The following GRID2 variants were observed in gnomAD, a reference collection of about 807,000 sequenced individuals.
The protein encoded by GRID2 is glutamate receptor ionotropic, delta-2.
Under a neutral mutation model 114.8 loss-of-function variants are expected in GRID2, and 33 were observed. The observed-to-expected ratio is 0.29, with a 90% CI of 0.22 to 0.38. The LOEUF (loss-of-function observed/expected upper bound fraction) is 0.38, where lower values mean the gene tolerates loss of function less well. Among genes scored for constraint, GRID2 ranks in the 10% least tolerant of loss-of-function variants. The pLI, the probability that GRID2 is intolerant of heterozygous loss-of-function variation, is 1.00. For synonymous variants in GRID2, 505 were observed against 449.9 expected (o/e 1.12, Z -1.55); for missense variants, 1,184 against 1,257.7 (o/e 0.94, Z 0.89).
At chr4:92,598,539 A>G (rs1432622071) in intron 2 of GRID2, among the ~76,000 whole-genome samples, 1 of 152,120 alleles carries the variant, frequency 6.6e-6, no homozygotes, top group Non-Finnish European at 1.5e-5. Context: ...AGGGAAAAAC[A>G]TATATATTAA....
intron 2 of GRID2, among the ~76,000 whole-genome samples, chr4:92,787,659 A>T (rs1428339706): frequency 6.6e-6 from 1 of 151,930 alleles, no homozygotes; most frequent in Admixed American, 6.6e-5. Flanking sequence ...TGAAATGGGA[A>T]GCCATTACAG....
At chr4:92,803,676 C>T (rs1414187286) in intron 2 of GRID2, among the ~76,000 whole-genome samples, 2 of 151,964 alleles carry the variant, frequency 1.3e-5, no homozygotes, top group South Asian at 2.1e-4. Flanking sequence ...AGCCCACTCA[C>T]ATGTGTTTAT....
chr4:93,061,653 A>C (rs1189909558), intron 2 of GRID2, among the ~76,000 whole-genome samples: 1 of 152,182 alleles, frequency 6.6e-6, no homozygotes, highest in African/African-American at 2.4e-5. Flanking sequence ...TTTAGTAATG[A>C]TGGGTAAAAG....
intron 11 of GRID2, among the ~76,000 whole-genome samples, chr4:93,465,778 G>A (rs1289205847): frequency 1.3e-5 from 2 of 152,102 alleles, no homozygotes; most frequent in Non-Finnish European, 2.9e-5. Context: ...AAATATATTA[G>A]GAAAACTTGT....
chr4:93,246,600 GAAAAA>G (rs1243852587), intron 8 of GRID2, among the ~76,000 whole-genome samples: 4 of 144,950 alleles, frequency 2.8e-5, no homozygotes, highest in African/African-American at 1.1e-4. Context: ...AAAAAAAAAA[GAAAAA>G]AAGAAAAGAA....
chr4:93,499,536 C>G (rs930361280), intron 12 of GRID2, among the ~76,000 whole-genome samples: 2 of 151,884 alleles, frequency 1.3e-5, no homozygotes, highest in African/African-American at 4.8e-5. Context: ...GCATGCCTCT[C>G]TGGAGCTTTA....
At chr4:93,043,855 T>C (rs570653346) in intron 2 of GRID2, among the ~76,000 whole-genome samples, 2 of 152,010 alleles carry the variant, frequency 1.3e-5, no homozygotes, top group Non-Finnish European at 2.9e-5. Flanking sequence ...ATGGCACATG[T>C]ATACATATGT....
intron 2 of GRID2, among the ~76,000 whole-genome samples, chr4:92,695,392 A>T (rs1424929614): frequency 6.6e-6 from 1 of 152,124 alleles, no homozygotes; most frequent in Non-Finnish European, 1.5e-5. Flanking sequence ...ACACAACAAA[A>T]GGAATACAAT....
intron 2 of GRID2, among the ~76,000 whole-genome samples, chr4:92,605,911 C>T (rs1334015128): frequency 1.3e-5 from 2 of 152,058 alleles, no homozygotes; most frequent in African/African-American, 4.8e-5. Context: ...ATCTCACTGA[C>T]ATTTTGGCAT....
intron 14 of GRID2, among the ~76,000 whole-genome samples, chr4:93,716,251 A>G (rs539593277): frequency 3.5e-4 from 53 of 152,258 alleles, no homozygotes; most frequent in African/African-American, 1.3e-3. Context: ...AATTAAGGAT[A>G]AAAGATATAG....
intron 2 of GRID2, among the ~76,000 whole-genome samples, chr4:92,807,545 A>G (rs1740477378): frequency 6.6e-6 from 1 of 152,030 alleles, no homozygotes; most frequent in Admixed American, 6.6e-5. Context: ...TGAATATTTT[A>G]TACACATAAT....
intron 14 of GRID2, among the ~76,000 whole-genome samples, chr4:93,630,055 A>G (rs928424018): frequency 2.0e-5 from 3 of 152,220 alleles, no homozygotes; most frequent in African/African-American, 7.2e-5. Flanking sequence ...GTGAGCGAAC[A>G]CACATTGGAA....
chr4:93,252,054 C>T (rs1219867035), intron 8 of GRID2, among the ~76,000 whole-genome samples: 1 of 152,036 alleles, frequency 6.6e-6, no homozygotes, highest in Non-Finnish European at 1.5e-5. Context: ...CAGGAATTGC[C>T]ACACTGTCTT....
intron 8 of GRID2, among the ~76,000 whole-genome samples, chr4:93,363,092 T>C (rs1280627683): frequency 6.6e-6 from 1 of 152,026 alleles, no homozygotes; most frequent in African/African-American, 2.4e-5. Flanking sequence ...TGGTGGTGCA[T>C]GTCTGTAATC....
intron 1 of GRID2, among the ~76,000 whole-genome samples, chr4:92,588,700 AAAAT>A (rs1404878072): frequency 2.7e-5 from 4 of 149,760 alleles, no homozygotes; most frequent in Non-Finnish European, 5.9e-5. Context: ...AAAAAAAAAA[AAAAT>A]TCTTCATTAG....
intron 8 of GRID2, among the ~76,000 whole-genome samples, chr4:93,330,790 C>T (rs1758344335): frequency 6.6e-6 from 1 of 152,084 alleles, no homozygotes; most frequent in Non-Finnish European, 1.5e-5. Context: ...TTCACACCTT[C>T]TCTTTCTTTT....
At chr4:92,449,747 T>C (rs1338308391) in intron 1 of GRID2, among the ~76,000 whole-genome samples, 3 of 140,134 alleles carry the variant, frequency 2.1e-5, no homozygotes, top group Non-Finnish European at 4.6e-5. Flanking sequence ...TTCAGAACAG[T>C]CAGGAATCTC....
intron 2 of GRID2, among the ~76,000 whole-genome samples, chr4:92,806,165 CGACACACACA>C: frequency 9.4e-6 from 1 of 106,214 alleles, no homozygotes; most frequent in African/African-American, 4.3e-5. Context: ...AATAGGCTAT[CGACACACACA>C]CACACACACA....
intron 2 of GRID2, among the ~76,000 whole-genome samples, chr4:92,635,877 A>C (rs1377414795): frequency 6.6e-6 from 1 of 152,080 alleles, no homozygotes; most frequent in Admixed American, 6.6e-5. Flanking sequence ...ATTTAACAAT[A>C]TTATATTTGC....
Sources: gnomAD v4.1 joint callset for allele counts (sites outside exome capture counted in the v4.1 genomes callset) on GRCh38, gnomAD v4.1.1 for gene constraint, MANE v1.5 for transcripts, NCBI Gene and HGNC (gene_info 2026-07-23, HGNC 2026-07-21) for gene names.